The following CD27 variants were observed in gnomAD, a reference collection of about 807,000 sequenced individuals.
CD27 encodes the protein CD27 antigen.
CD27 carries 16 observed loss-of-function variants against 25.9 expected under a neutral mutation model. The observed-to-expected ratio is 0.62, with a 90% CI of 0.42 to 0.94. The LOEUF (loss-of-function observed/expected upper bound fraction) is 0.94. Among genes scored for constraint, CD27 ranks in the 40% least tolerant of loss-of-function variants. CD27 has a pLI of 0.00. For synonymous variants in CD27, 142 were observed against 124.3 expected, an observed-to-expected ratio of 1.14 and a Z score of -0.95; for missense variants, 300 against 333.2, an observed-to-expected ratio of 0.90 and a Z score of 0.78.
In CD27 at chr12:6,445,847, C is replaced by A. The variant is rs1221350712; in HGVS notation, c.268+292C>A. Among the ~76,000 whole-genome samples the A allele has an allele frequency of 2.0e-5, 3 of 152,096 alleles. No individual in the cohort carries two copies. The highest frequency in any genetic ancestry group is 2.9e-5 in the Non-Finnish European group (2 of 68,012). ...TAAAATGAGAGAAGTGGCTCTATGA[C>A]CCCAGATTTCGGGCAAGCAACCCCC... On this transcript the variant is annotated intron_variant, in intron 2 of 5. Transcript: ENST00000266557. This position sits in a 1 kb window ranked among gnomAD's most constrained non-coding sequence, Gnocchi z 4.5.
rs1175658218 is a variant in CD27, at chr12:6,451,463, T to C, written c.*71T>C. On this transcript the variant is annotated 3_prime_UTR_variant, in exon 6 of 6. Transcript: ENST00000266557. ...ACCCCGCCGACCATCCAAGGGAGAG[T>C]GAGACCTGGCAGCCACAACTGCAGT... is the stretch of plus-strand genomic sequence containing the variant. 5.4e-6 allele frequency: 8 copies of C among 1,470,052 alleles called. No individual in the cohort carries two copies. The highest frequency in any genetic ancestry group is 4.0e-5 in the South Asian group (3 of 75,038). The allele number at this position is 1,470,052 out of a possible 1,614,324, so 91.1% of individuals were successfully genotyped here.
In CD27 at chr12:6,450,913, G is replaced by C; in HGVS notation, c.557G>C (p.Ser186Thr). 2.5e-6 allele frequency: 4 copies of C among 1,614,152 alleles called. No individual in the cohort carries two copies. The South Asian group carries it at 4.4e-5, about 18-fold the overall frequency. ...THWPPQRSLC[S>T]SDFIRILVIF... ...ATTACAGCCCAAAGATCCCTGTGCA[G>C]CTCCGATTTTATTCGCATCCTTGTG... Residue 186 changes from serine (S) to threonine (T), a missense_variant, in exon 5 of 6, where the codon AGC (serine) becomes ACC (threonine). Ser to Thr is a moderately conservative substitution (Grantham distance 58, BLOSUM62 1). Coordinates refer to ENST00000266557, the MANE Select transcript of CD27 (RefSeq NM_001242.5). The surrounding 1 kb of genome is among the most constrained non-coding windows in gnomAD (Gnocchi z 4.1).
Position 6,450,065 on chromosome 12 carries a change from C to T in CD27, c.269-108C>T, listed in dbSNP as rs936934502. The stretch of plus-strand genomic sequence containing the variant: ...AGGGGTGGGAATGGAAAGGGAAGCA[C>T]GTCCCTAGAGGTGGGCCTGGGATGG... On this transcript the variant is annotated intron_variant, in intron 2 of 5. Transcript: ENST00000266557. This position sits in a 1 kb window ranked among gnomAD's most constrained non-coding sequence, Gnocchi z 4.1. The T allele has an allele frequency of 4.9e-5, 46 of 935,980 alleles. No homozygotes were observed. In the Admixed American group the frequency reaches 8.7e-4, roughly 18 times the overall value. 58.0% of individuals were successfully genotyped at this position (935,980 alleles called of 1,614,324 possible). A position where few individuals can be genotyped will look rare whatever the true frequency, so the allele number is the denominator to read the frequency against.
At position 6,450,826 on chromosome 12, in the gene CD27, G is replaced by A. The variant is rs1288195747; in HGVS notation, c.539-69G>A. On this transcript the variant is annotated intron_variant, in intron 4 of 5. Transcript: ENST00000266557. The surrounding 1 kb of genome is among the most constrained non-coding windows in gnomAD (Gnocchi z 4.1). ...GGGAAAGGGGAGAGGCAAGGTGACA[G>A]GAGGGCTGGGCTGAGGGAGCCAAGG... 4.4e-6 allele frequency: 7 copies of A among 1,600,722 alleles called. No individual in the cohort carries two copies. The highest frequency in any genetic ancestry group is 5.1e-6 in the Non-Finnish European group (6 of 1,170,380).
chr12:6,447,286 C>T (rs1237968810), intron 2 of CD27: 2 of 152,244 alleles, frequency 1.3e-5, no homozygotes, highest in African/African-American at 2.4e-5. Flanking sequence ...TCTGCAGACC[C>T]TTCCTGAAGG....
In CD27 at chr12:6,445,281, C is replaced by T. The variant is rs1393284048; in HGVS notation, c.136+50C>T. 6.2e-7 allele frequency: 1 copy of T among 1,611,670 alleles called. No individual in the cohort carries two copies. The highest frequency in any genetic ancestry group is 1.7e-5 in the Admixed American group (1 of 59,298). On this transcript the variant is annotated intron_variant, in intron 1 of 5. Transcript: ENST00000266557. This position sits in a 1 kb window ranked among gnomAD's most constrained non-coding sequence, Gnocchi z 4.5. ...CAGGTGAGTGGCGAAAGAGAGAGGACTGGGGTTAATACAGTAAATAGGCGC... is the reference window on the plus strand; with the variant it reads ...CAGGTGAGTGGCGAAAGAGAGAGGATTGGGGTTAATACAGTAAATAGGCGC...
At chr12:6,447,641 T>C (rs929895710) in intron 2 of CD27, 3 of 152,208 alleles carry the variant, frequency 2.0e-5, no homozygotes, top group Non-Finnish European at 2.9e-5. Context: ...TTTGTTTTGT[T>C]TTTTAATTAT....
rs138947801 is a variant in CD27, at chr12:6,449,408, G to A, written c.269-765G>A. Among the ~76,000 whole-genome samples, 195 of 148,710 alleles carry A rather than the reference G, an allele frequency of 1.3e-3. 1 individual carries two copies. The highest frequency in any genetic ancestry group is 4.7e-3 in the African/African-American group (190 of 40,138). ...GGCTCACTGCAACTTCCACCTCCCG[G>A]GTTCAAGCAATTCCCTGCCTCACCC... is the stretch of plus-strand genomic sequence containing the variant. On this transcript the variant is annotated intron_variant, in intron 2 of 5. Coordinates refer to ENST00000266557, the MANE Select transcript of CD27 (RefSeq NM_001242.5).
In CD27 at chr12:6,451,407, G is replaced by T. The variant is rs1059501; in HGVS notation, c.*15G>T. ...GCTCCCCCTGAGCCAGCACCTGCGG[G>T]AGCTGCACTACAGCCCTGGCCTCCA... On this transcript the variant is annotated 3_prime_UTR_variant, in exon 6 of 6. Coordinates refer to ENST00000266557, the MANE Select transcript of CD27 (RefSeq NM_001242.5). 867,349 of 1,609,634 alleles carry T rather than the reference G, an allele frequency of 0.54. 244,096 individuals carry two copies. Among genetic ancestry groups the T allele is most frequent in the Non-Finnish European group, 0.58 (678,918 of 1,178,358 alleles).
chr12:6,444,916 TGA>T, upstream of CD27: 1 of 616,808 alleles, frequency 1.6e-6, no homozygotes, highest in Non-Finnish European at 2.7e-6. Flanking sequence ...GTTGCTGCTA[TGA>T]GAGAGAAAAA....
chr12:6,448,879 C>T (rs1384626544), intron 2 of CD27: 1 of 152,222 alleles, frequency 6.6e-6, no homozygotes, highest in East Asian at 1.9e-4. Flanking sequence ...AATTCTATAA[C>T]ATTTTCGTTA....
intron 5 of CD27, 26 bp from the exon 6 acceptor site, chr12:6,451,242 A>C: frequency 6.2e-7 from 1 of 1,611,834 alleles, no homozygotes; most frequent in Non-Finnish European, 8.5e-7. Flanking sequence ...ACTGCTGGCC[A>C]AGACTCATCG....
At position 6,450,569 on chromosome 12, in the gene CD27, C is replaced by T. The variant is rs770178882; in HGVS notation, c.477C>T (p.His159=). Residue 159 remains histidine, a synonymous_variant, in exon 4 of 6, where the codon CAC becomes CAT. Coordinates refer to ENST00000266557, the MANE Select transcript of CD27 (RefSeq NM_001242.5). This position sits in a 1 kb window ranked among gnomAD's most constrained non-coding sequence, Gnocchi z 4.1. ...SEMLEARTAG[H]MQTLADFRQL... is the part of the protein sequence containing the mutation. ...TGCTGGAGGCCAGGACAGCTGGGCA[C>T]ATGCAGACTCTGGCTGACTTCAGGC... The T allele has an allele frequency of 1.2e-6, 2 of 1,613,558 alleles. No individual in the cohort carries two copies. The highest frequency in any genetic ancestry group is 1.7e-6 in the Non-Finnish European group (2 of 1,180,024).
At chr12:6,448,381 G>GCGAGC (rs1164698990) in intron 2 of CD27, among the ~76,000 whole-genome samples, 1 of 152,018 alleles carries the variant, frequency 6.6e-6, no homozygotes, top group East Asian at 1.9e-4. Context: ...CCAGCCGCCA[G>GCGAGC]CGAGCCCAGC....
At chr12:6,447,095 C>T (rs957581288) in intron 2 of CD27, 3 of 135,220 alleles carry the variant, frequency 2.2e-5, no homozygotes, top group Non-Finnish European at 4.8e-5. Flanking sequence ...ACCCTGTTTC[C>T]AAAAAAAAAA....
In CD27 at chr12:6,451,371, G is replaced by C; in HGVS notation, c.762G>C (p.Pro254=). The C allele has an allele frequency of 6.2e-7, 1 of 1,613,504 alleles. No individual in the cohort carries two copies. The highest frequency in any genetic ancestry group is 8.5e-7 in the Non-Finnish European group (1 of 1,179,978). ...CCATCCAGGAGGATTACCGAAAACC[G>C]GAGCCTGCCTGCTCCCCCTGAGCCA... ...TIPIQEDYRK[P]EPACSP The change falls in exon 6 of 6, where the codon CCG becomes CCC. Residue 254 remains proline (P), a synonymous_variant. Transcript: ENST00000266557.
intron 2 of CD27, among the ~76,000 whole-genome samples, chr12:6,448,377 G>A (rs953433177): frequency 2.6e-5 from 4 of 151,918 alleles, no homozygotes; most frequent in African/African-American, 4.8e-5. Flanking sequence ...CAAACCAGCC[G>A]CCAGCGAGCC....
intron 2 of CD27, chr12:6,447,484 C>T (rs1179408042): frequency 2.6e-5 from 4 of 152,154 alleles, no homozygotes; most frequent in Non-Finnish European, 4.4e-5. Context: ...TCGGCCCTCT[C>T]TGGGCCTTAG....
rs1202414538 is a variant in CD27 at position 6,445,383 on chromosome 12, C to T, written c.137-41C>T. On this transcript the variant is annotated intron_variant, in intron 1 of 5. Transcript: ENST00000266557. This position sits in a 1 kb window ranked among gnomAD's most constrained non-coding sequence, Gnocchi z 4.5. ...CACCACCTTGAAGAGGGCAGAGAAC[C>T]AGCCCTTCTCAGGCCTTGATCCCTT... 1.6e-5 allele frequency: 25 copies of T among 1,612,876 alleles called. No individual in the cohort carries two copies. The highest frequency in any genetic ancestry group is 1.9e-5 in the Non-Finnish European group (22 of 1,179,156).
Sources: gnomAD v4.1 joint callset for allele counts (sites outside exome capture counted in the v4.1 genomes callset) on GRCh38, gnomAD v4.1.1 for gene constraint, Gnocchi (gnomAD v3.1) non-coding constraint, MANE v1.5 for transcripts, NCBI Gene and HGNC (gene_info 2026-07-23, HGNC 2026-07-21) for gene names.